SRSF4: variants seen among roughly 807,000 people sequenced by gnomAD.
SRSF4 encodes serine/arginine-rich splicing factor 4.
In SRSF4, 12 loss-of-function variants were observed where a neutral mutation model predicts 48.8. The observed-to-expected ratio is 0.25, with a 90% confidence interval of 0.16 to 0.40. SRSF4 has a LOEUF of 0.40. Ranked by LOEUF, SRSF4 falls within the 10% of genes least tolerant of loss-of-function variation. The probability of loss-of-function intolerance (pLI) is 1.00; values close to 1 mark genes in which losing one functional copy is unlikely to be tolerated. For synonymous variants in SRSF4, 248 were observed against 232.5 expected (o/e 1.07, Z -0.61); for missense variants, 466 against 667.1 (o/e 0.70, Z 3.32).
At chr1:29,180,214 A>G (rs1672933850) in intron 1 of SRSF4, among the ~76,000 whole-genome samples, 1 of 152,204 alleles carries the variant, frequency 6.6e-6, no homozygotes, top group Non-Finnish European at 1.5e-5. Context: ...TTTGTCCACA[A>G]AAGTTAGTTA....
intron 1 of SRSF4, among the ~76,000 whole-genome samples, chr1:29,176,372 G>C (rs1333623233): frequency 1.3e-5 from 2 of 151,880 alleles, no homozygotes; most frequent in African/African-American, 4.8e-5. Flanking sequence ...AAATGATAAA[G>C]CACTTCTCTG....
intron 1 of SRSF4, chr1:29,171,464 T>C (rs1318934378): frequency 6.6e-6 from 1 of 150,656 alleles, no homozygotes; most frequent in Non-Finnish European, 1.5e-5. Flanking sequence ...TAACTCATTT[T>C]GTAACCTTGG....
At chr1:29,176,194 G>T (rs1318321147) in intron 1 of SRSF4, among the ~76,000 whole-genome samples, 1 of 152,140 alleles carries the variant, frequency 6.6e-6, no homozygotes, top group East Asian at 1.9e-4. Context: ...GGAAGTTGCA[G>T]TGAGCTGAGA....
chr1:29,159,599 C>T (rs372875484), intron 2 of SRSF4, 113 bp from the exon 3 acceptor site: 130 of 562,050 alleles, frequency 2.3e-4, no homozygotes, highest in Admixed American at 5.2e-4. Flanking sequence ...AACAATAGCA[C>T]GTTTTAACTC....
At chr1:29,164,590 A>G (rs1672643287) in intron 1 of SRSF4, among the ~76,000 whole-genome samples, 1 of 152,240 alleles carries the variant, frequency 6.6e-6, no homozygotes. Flanking sequence ...ACAACCCAAG[A>G]GATAAATTTC....
intron 4 of SRSF4, among the ~76,000 whole-genome samples, chr1:29,154,322 C>T (rs1234081440): frequency 6.6e-6 from 1 of 152,240 alleles, no homozygotes; most frequent in Admixed American, 6.5e-5. Context: ...CCTCGGCCTC[C>T]CAAAGTGCTG....
chr1:29,181,556 G>A (rs1025345531), intron 1 of SRSF4, 90 bp downstream of exon 1: 9 of 1,160,510 alleles, frequency 7.8e-6, no homozygotes, highest in Middle Eastern at 2.0e-4. Flanking sequence ...CGCTCCGCGC[G>A]GACCAGGCGT....
At chr1:29,168,759 A>C (rs1039621516) in intron 1 of SRSF4, 1 of 152,256 alleles carries the variant, frequency 6.6e-6, no homozygotes, top group Non-Finnish European at 1.5e-5. Context: ...AGCATAAAGA[A>C]GATGAAGACT....
intron 2 of SRSF4, 159 bp downstream of exon 2, chr1:29,160,216 A>G: frequency 2.4e-6 from 2 of 819,992 alleles, no homozygotes; most frequent in East Asian, 3.1e-5. Context: ...AAACATTATC[A>G]AAGGCTTATT....
chr1:29,176,960 G>T (rs1672877632), intron 1 of SRSF4, among the ~76,000 whole-genome samples: 1 of 151,948 alleles, frequency 6.6e-6, no homozygotes, highest in African/African-American at 2.4e-5. Flanking sequence ...ATGATCTGGG[G>T]GTTTATCCTT....
At chr1:29,161,476 G>A (rs1389152411) in intron 1 of SRSF4, among the ~76,000 whole-genome samples, 1 of 152,220 alleles carries the variant, frequency 6.6e-6, no homozygotes, top group Non-Finnish European at 1.5e-5. Flanking sequence ...AAGGCTGTGT[G>A]TACACGGGCA....
Position 29,150,166 on chromosome 1 carries a change from C to A in SRSF4, c.605G>T (p.Arg202Leu). 1 of 1,613,952 alleles carries A rather than the reference C, an allele frequency of 6.2e-7. No homozygotes were observed. Among genetic ancestry groups the A allele is most frequent in the Non-Finnish European group, 8.5e-7 (1 of 1,179,930 alleles). The change falls in exon 5 of 6, where the codon CGT (arginine) becomes CTT (leucine). Residue 202 changes from arginine to leucine, a missense_variant. This residue lies in a region of SRSF4 where 402 missense variants were observed against 437.0 expected (regional missense o/e 0.92). Coordinates refer to ENST00000373795, the MANE Select transcript of SRSF4 (RefSeq NM_005626.5). Reference protein sequence around the residue: ...SRSRSRSRHSRKSRSRSGSSK... With the variant: ...SRSRSRSRHSLKSRSRSGSSK... Reference sequence around the variant, plus strand: ...GCTGCCACTTCGGCTTCTGCTCTTACGGGAATGTCTGCTTCGAGAGCGAGA... The same window carrying A: ...GCTGCCACTTCGGCTTCTGCTCTTAAGGGAATGTCTGCTTCGAGAGCGAGA...
At chr1:29,156,349 G>A (rs1386137889) in intron 3 of SRSF4, among the ~76,000 whole-genome samples, 10 of 61,344 alleles carry the variant, frequency 1.6e-4, no homozygotes, top group Admixed American at 3.1e-4. Flanking sequence ...CAAGACCTTC[G>A]TCTCAAAAAA....
At chr1:29,164,485 TAC>T (rs984932226) in intron 1 of SRSF4, among the ~76,000 whole-genome samples, 48 of 152,322 alleles carry the variant, frequency 3.2e-4, no homozygotes, top group African/African-American at 1.2e-3. Context: ...GAATATAAAA[TAC>T]ACACATGCAT....
intron 3 of SRSF4, among the ~76,000 whole-genome samples, chr1:29,158,528 C>T (rs1297769340): frequency 6.6e-6 from 1 of 151,490 alleles, no homozygotes; most frequent in African/African-American, 2.4e-5. Flanking sequence ...CTTCCAGGTT[C>T]AAGCAATTCT....
rs1558384802 is a variant in SRSF4 at position 29,147,862 on chromosome 1, CAATAT to C, written c.*543_*547del. ...TTTTCTTTTCTTTTTTAATATAAAA[CAATAT>C]AATCACAATACCAGAATATGGAACT... is the stretch of plus-strand genomic sequence containing the variant. On this transcript the variant is annotated 3_prime_UTR_variant, in exon 6 of 6. Coordinates refer to ENST00000373795, the MANE Select transcript of SRSF4 (RefSeq NM_005626.5). 1 of 182,232 alleles carries C rather than the reference CAATAT, an allele frequency of 5.5e-6. No individual in the cohort carries two copies. Among genetic ancestry groups the C allele is most frequent in the African/African-American group, 2.4e-5 (1 of 42,458 alleles). The allele number at this position is 182,232 out of a possible 1,614,324, so 11.3% of individuals were successfully genotyped here.
At chr1:29,155,948 T>C (rs1314245735) in intron 3 of SRSF4, among the ~76,000 whole-genome samples, 3 of 152,028 alleles carry the variant, frequency 2.0e-5, no homozygotes, top group Non-Finnish European at 4.4e-5. Context: ...ATTATATAAA[T>C]AAGAGGAGAT....
chr1:29,167,179 A>AT (rs1351461045), intron 1 of SRSF4, among the ~76,000 whole-genome samples: 1 of 151,806 alleles, frequency 6.6e-6, no homozygotes, highest in Admixed American at 6.6e-5. Flanking sequence ...CTACTAAATC[A>AT]TTTTTTTGTT....
chr1:29,148,297 TA>T lies in SRSF4; in HGVS notation c.*112del. On this transcript the variant is annotated 3_prime_UTR_variant, in exon 6 of 6. Transcript: ENST00000373795. Reference sequence around the variant, plus strand: ...GATTTAACAATTATAGACACACCATTAGGGGAGTTAAAAATGTACAGCAGTG... The same window carrying T: ...GATTTAACAATTATAGACACACCATTGGGGAGTTAAAAATGTACAGCAGTG... 7.4e-7 allele frequency: 1 copy of T among 1,356,758 alleles called. No homozygotes were observed. Among genetic ancestry groups the T allele is most frequent in the Non-Finnish European group, 1.0e-6 (1 of 971,958 alleles). 84.0% of individuals were successfully genotyped at this position (1,356,758 alleles called of 1,614,324 possible).
Sources: gnomAD v4.1 joint callset for allele counts (sites outside exome capture counted in the v4.1 genomes callset) on GRCh38, gnomAD v4.1.1 for gene constraint, gnomAD v4.1.1 regional missense constraint, MANE v1.5 for transcripts, NCBI Gene and HGNC (gene_info 2026-07-23, HGNC 2026-07-21) for gene names.